Variants in PKHD1 observed in about 807,000 individuals in gnomAD.
PKHD1 encodes fibrocystin.
In PKHD1, 291 loss-of-function variants were observed where a neutral mutation model predicts 412.0. That is an observed-to-expected ratio of 0.71 (90% CI 0.64 to 0.78). PKHD1 has a LOEUF of 0.78. Ranked by LOEUF, PKHD1 falls within the 30% of genes least tolerant of loss-of-function variation. The probability of loss-of-function intolerance (pLI) is 0.00; values close to 1 mark genes in which losing one functional copy is unlikely to be tolerated. For synonymous variants in PKHD1, 1,777 were observed against 1,821.5 expected (o/e 0.98, Z 0.62); for missense variants, 4,825 against 4,950.7 (o/e 0.97, Z 0.76).
intron 46 of PKHD1, among the ~76,000 whole-genome samples, chr6:51,878,854 T>C (rs1776945788): frequency 2.0e-5 from 1 of 51,264 alleles, no homozygotes; most frequent in Non-Finnish European, 3.2e-5. Flanking sequence ...TGATTGTTTA[T>C]CTAGAAAACC....
At chr6:51,689,895 T>C (rs1777928852) in intron 60 of PKHD1, among the ~76,000 whole-genome samples, 1 of 152,134 alleles carries the variant, frequency 6.6e-6, no homozygotes, top group Non-Finnish European at 1.5e-5. Flanking sequence ...AAAGAATCAA[T>C]ATTGTTAATA....
intron 60 of PKHD1, among the ~76,000 whole-genome samples, chr6:51,664,940 A>G (rs1364232603): frequency 1.3e-5 from 2 of 152,190 alleles, no homozygotes; most frequent in African/African-American, 4.8e-5. Context: ...TTAAATAAAG[A>G]GTTTCATCAA....
chr6:51,904,115 C>A, intron 41 of PKHD1, 73 bp from the exon 42 acceptor site: 1 of 966,282 alleles, frequency 1.0e-6, no homozygotes, highest in South Asian at 1.3e-5. Context: ...TGCAACACTA[C>A]TTCTTTGGGT....
intron 21 of PKHD1, among the ~76,000 whole-genome samples, chr6:52,051,667 G>A (rs2128199953): frequency 6.6e-6 from 1 of 152,294 alleles, no homozygotes. Context: ...GGCTTCAAGT[G>A]TTTGGCGAGG....
At chr6:51,929,086 C>T (rs1186270149) in intron 37 of PKHD1, among the ~76,000 whole-genome samples, 1 of 151,978 alleles carries the variant, frequency 6.6e-6, no homozygotes, top group Non-Finnish European at 1.5e-5. Context: ...AGGAAAGGGG[C>T]AAGAGGAGAC....
chr6:51,916,746 T>C (rs1381913870), intron 37 of PKHD1, among the ~76,000 whole-genome samples: 1 of 152,160 alleles, frequency 6.6e-6, no homozygotes, highest in African/African-American at 2.4e-5. Flanking sequence ...GCTCCCTTCC[T>C]TTCTGTACCA....
At chr6:52,047,546 T>A (rs890818058) in intron 23 of PKHD1, among the ~76,000 whole-genome samples, 7 of 152,252 alleles carry the variant, frequency 4.6e-5, no homozygotes, top group Non-Finnish European at 1.0e-4. Context: ...TTGTATGTAT[T>A]CTTGAAGATT....
At chr6:51,964,775 A>T (rs2127969144) in intron 35 of PKHD1, among the ~76,000 whole-genome samples, 1 of 152,218 alleles carries the variant, frequency 6.6e-6, no homozygotes, top group Middle Eastern at 3.4e-3. Context: ...ATTTTTACGA[A>T]ACCAACTTTA....
At chr6:52,017,158 T>C (rs1800663406) in intron 34 of PKHD1, among the ~76,000 whole-genome samples, 1 of 152,226 alleles carries the variant, frequency 6.6e-6, no homozygotes, top group African/African-American at 2.4e-5. Flanking sequence ...AATATTAAAA[T>C]CTAAGCAAGA....
chr6:52,063,083 A>G (rs1050936449), intron 13 of PKHD1, among the ~76,000 whole-genome samples: 1 of 152,210 alleles, frequency 6.6e-6, no homozygotes, highest in Non-Finnish European at 1.5e-5. Flanking sequence ...AATTCTCTAA[A>G]GTCTTTTTTC....
intron 50 of PKHD1, among the ~76,000 whole-genome samples, chr6:51,846,854 T>C (rs534422456): frequency 6.6e-6 from 1 of 152,322 alleles, no homozygotes; most frequent in Admixed American, 6.5e-5. Context: ...ACCTTCTACA[T>C]AAACTTCCGT....
intron 60 of PKHD1, among the ~76,000 whole-genome samples, chr6:51,716,229 T>A (rs958343165): frequency 6.6e-6 from 1 of 152,148 alleles, no homozygotes; most frequent in Admixed American, 6.5e-5. Context: ...TTTGCCTAGA[T>A]GTACTAATAA....
intron 60 of PKHD1, among the ~76,000 whole-genome samples, chr6:51,679,969 C>T (rs1323433334): frequency 2.0e-5 from 3 of 152,040 alleles, no homozygotes; most frequent in Non-Finnish European, 4.4e-5. Flanking sequence ...GGCTCTGCTT[C>T]TTACCCTCTG....
intron 35 of PKHD1, among the ~76,000 whole-genome samples, chr6:52,007,293 T>C (rs1219307704): frequency 6.6e-6 from 1 of 152,232 alleles, no homozygotes; most frequent in African/African-American, 2.4e-5. Flanking sequence ...TTGTACTAGT[T>C]TACATTCCCA....
At chr6:51,911,202 C>A (rs928396532) in intron 39 of PKHD1, among the ~76,000 whole-genome samples, 1 of 152,124 alleles carries the variant, frequency 6.6e-6, no homozygotes. Flanking sequence ...ATGTGAAAGC[C>A]TCATAATCTA....
At chr6:51,711,341 C>T (rs1780638850) in intron 60 of PKHD1, among the ~76,000 whole-genome samples, 3 of 152,164 alleles carry the variant, frequency 2.0e-5, no homozygotes, top group Admixed American at 1.3e-4. Flanking sequence ...AATAAATAAC[C>T]TATACGCAAG....
intron 59 of PKHD1, among the ~76,000 whole-genome samples, chr6:51,745,532 T>C (rs148767479): frequency 1.3e-5 from 2 of 152,170 alleles, no homozygotes; most frequent in Non-Finnish European, 2.9e-5. Flanking sequence ...CTCCCCAGCC[T>C]CCAGAACTAT....
intron 35 of PKHD1, among the ~76,000 whole-genome samples, chr6:51,969,982 C>T: frequency 6.6e-6 from 1 of 152,080 alleles, no homozygotes; most frequent in Non-Finnish European, 1.5e-5. Flanking sequence ...TCAAATGGTA[C>T]TTCTATTTTT....
chr6:51,631,085 G>C lies in PKHD1; in HGVS notation c.11665+1480C>G, dbSNP rs530294828. Among the ~76,000 whole-genome samples the C allele has an allele frequency of 2.6e-5, 4 of 152,236 alleles. No homozygotes were observed. In the South Asian group the frequency reaches 8.3e-4, roughly 32 times the overall value. ...AGAAAAAGCCTTCTCTAGAGCTTAG[G>C]ATTAAAAGTGAGGTTAGACCTTAGG... is the stretch of plus-strand genomic sequence containing the variant. On this transcript the variant is annotated intron_variant, in intron 65 of 66. Coordinates refer to ENST00000371117, the MANE Select transcript of PKHD1 (RefSeq NM_138694.4).
Sources: gnomAD v4.1 joint callset for allele counts (sites outside exome capture counted in the v4.1 genomes callset) on GRCh38, gnomAD v4.1.1 for gene constraint, MANE v1.5 for transcripts, NCBI Gene and HGNC (gene_info 2026-07-23, HGNC 2026-07-21) for gene names.